Variants in TOX2 observed in about 807,000 individuals in gnomAD.
The protein encoded by TOX2 is TOX high mobility group box family member 2.
Under a neutral mutation model 47.4 loss-of-function variants are expected in TOX2, and 15 were observed. That is an observed-to-expected ratio of 0.32 (90% CI 0.21 to 0.49). TOX2 has a LOEUF of 0.49. Ranked by LOEUF, TOX2 falls within the 20% of genes least tolerant of loss-of-function variation. The pLI is 0.99. For synonymous variants in TOX2, 290 were observed against 296.6 expected (o/e 0.98, Z 0.23); for missense variants, 622 against 673.1 (o/e 0.92, Z 0.84).
intron 1 of TOX2, among the ~76,000 whole-genome samples, chr20:43,950,529 T>C (rs1427025319): frequency 6.6e-6 from 1 of 151,898 alleles, no homozygotes; most frequent in Admixed American, 6.6e-5. Flanking sequence ...GTCTCTTTGC[T>C]GACCGAGGTC....
At position 44,003,758 on chromosome 20, in the gene TOX2, C is replaced by T. The variant is rs111917241; in HGVS notation, c.166-2789C>T. Among the ~76,000 whole-genome samples, 848 of 151,160 alleles carry T rather than the reference C, an allele frequency of 5.6e-3. 6 individuals are homozygous for T. Among genetic ancestry groups the T allele is most frequent in the African/African-American group, 0.02 (815 of 40,662 alleles). ...CACGGGAGGGACAGTGTGTGGCAGG[C>T]GGAGTGCAGCAGAGGGAACTGTGTA... On this transcript the variant is annotated intron_variant, in intron 2 of 8. Coordinates refer to ENST00000341197, the MANE Select transcript of TOX2 (RefSeq NM_001098797.2).
intron 2 of TOX2, among the ~76,000 whole-genome samples, chr20:43,997,345 C>T (rs1398787487): frequency 6.6e-6 from 1 of 152,142 alleles, no homozygotes; most frequent in East Asian, 1.9e-4. Flanking sequence ...ATCACAATCA[C>T]AGTGGAAATT....
rs999297460 is a variant in TOX2, at chr20:43,942,837, CTT to C, written c.99+27849_99+27850del. ...CTCCACAGGAAGCTGAGTCATCTCT[CTT>C]TGTTTTGAACCGTAACCATCACGTT... On this transcript the variant is annotated intron_variant, in intron 1 of 8. Coordinates refer to ENST00000341197, the MANE Select transcript of TOX2 (RefSeq NM_001098797.2). 5.9e-5 allele frequency among the ~76,000 whole-genome samples: 9 copies of C among 152,310 alleles called. No individual in the cohort carries two copies. In the East Asian group the frequency reaches 9.6e-4, roughly 16 times the overall value.
intron 2 of TOX2, among the ~76,000 whole-genome samples, chr20:43,993,053 G>C (rs6130493): frequency 0.19 from 29,162 of 151,778 alleles, 3,338 homozygotes; most frequent in African/African-American, 0.3. Flanking sequence ...TCGAGTCCCC[G>C]CTGAATGAGG....
chr20:43,984,262 A>C (rs548748345), intron 2 of TOX2, among the ~76,000 whole-genome samples: 1 of 152,360 alleles, frequency 6.6e-6, no homozygotes, highest in South Asian at 2.1e-4. Context: ...TAAATACCAG[A>C]GGCCTTAAAG....
intron 4 of TOX2, among the ~76,000 whole-genome samples, chr20:44,053,974 C>T (rs188185903): frequency 8.5e-5 from 13 of 152,292 alleles, no homozygotes; most frequent in Admixed American, 6.5e-4. Flanking sequence ...ATAGTTTCAG[C>T]GCTCTATTGG....
intron 1 of TOX2, chr20:43,945,741 AG>A: frequency 1.1e-6 from 1 of 944,208 alleles, no homozygotes; most frequent in Non-Finnish European, 1.5e-6. Context: ...AAATTGGAAT[AG>A]GAGATGGATT....
At chr20:43,979,943 A>ATT (rs2070142595) in intron 2 of TOX2, among the ~76,000 whole-genome samples, 1 of 152,240 alleles carries the variant, frequency 6.6e-6, no homozygotes, top group Admixed American at 6.5e-5. Context: ...GTAAAATAGT[A>ATT]TAACTACTGT....
intron 3 of TOX2, among the ~76,000 whole-genome samples, chr20:44,014,128 CAAAAAAAAAAAAAAA>C (rs55721806): frequency 3.7e-5 from 2 of 53,570 alleles, no homozygotes; most frequent in Admixed American, 3.3e-4. Context: ...GAGACTATCT[CAAAAAAAAAAAAAAA>C]AAAAAAAAAA....
intron 2 of TOX2, among the ~76,000 whole-genome samples, chr20:43,992,252 C>T (rs1202828022): frequency 6.6e-6 from 1 of 152,134 alleles, no homozygotes; most frequent in Admixed American, 6.5e-5. Context: ...CTTATCTGAT[C>T]GACGGCTGGG....
chr20:43,978,215 A>AG, intron 2 of TOX2, among the ~76,000 whole-genome samples: 1 of 152,278 alleles, frequency 6.6e-6, no homozygotes, highest in South Asian at 2.1e-4. Context: ...AGAGGATAGA[A>AG]GGGGAGGTCT....
intron 1 of TOX2, among the ~76,000 whole-genome samples, chr20:43,932,769 TTGCTGCCCCCCCC>T (rs1270038923): frequency 7.1e-6 from 1 of 141,644 alleles, no homozygotes; most frequent in Non-Finnish European, 1.5e-5. Context: ...TGGAGAGGGG[TTGCTGCCCCCCCC>T]CGCCATTTCT....
At chr20:44,011,133 A>C (rs2070772432) in intron 3 of TOX2, among the ~76,000 whole-genome samples, 1 of 152,168 alleles carries the variant, frequency 6.6e-6, no homozygotes. Flanking sequence ...ATTTGGGGAT[A>C]ATCTAGGAAA....
intron 1 of TOX2, among the ~76,000 whole-genome samples, chr20:43,934,321 T>C (rs2069296121): frequency 6.6e-6 from 1 of 152,068 alleles, no homozygotes; most frequent in African/African-American, 2.4e-5. Context: ...TTATTTAGCA[T>C]CCATCACAGG....
intron 4 of TOX2, among the ~76,000 whole-genome samples, chr20:44,052,832 C>T (rs2071540260): frequency 6.6e-6 from 1 of 152,166 alleles, no homozygotes; most frequent in Non-Finnish European, 1.5e-5. Context: ...TGTATGTGCC[C>T]TCAACCCCCT....
At chr20:44,059,511 A>G (rs185819166) in intron 5 of TOX2, among the ~76,000 whole-genome samples, 11 of 152,314 alleles carry the variant, frequency 7.2e-5, no homozygotes, top group Non-Finnish European at 1.3e-4. Context: ...CAAGAAGTTC[A>G]AAGAACACCT....
At chr20:44,064,475 G>A (rs1352226519) in intron 5 of TOX2, among the ~76,000 whole-genome samples, 1 of 152,220 alleles carries the variant, frequency 6.6e-6, no homozygotes, top group Non-Finnish European at 1.5e-5. Context: ...CAGAATGGGG[G>A]CTTCAAAGGG....
chr20:44,034,089 C>G (rs984332961), intron 3 of TOX2, among the ~76,000 whole-genome samples: 2 of 152,202 alleles, frequency 1.3e-5, no homozygotes, highest in African/African-American at 4.8e-5. Context: ...ATCTGCCACC[C>G]TACCCATCAC....
intron 2 of TOX2, among the ~76,000 whole-genome samples, chr20:43,979,474 T>G (rs2070135290): frequency 6.6e-6 from 1 of 152,118 alleles, no homozygotes; most frequent in Admixed American, 6.5e-5. Flanking sequence ...GTGAAAAGGA[T>G]GTTGGATCCA....
Sources: gnomAD v4.1 joint callset for allele counts (sites outside exome capture counted in the v4.1 genomes callset) on GRCh38, gnomAD v4.1.1 for gene constraint, MANE v1.5 for transcripts, NCBI Gene and HGNC (gene_info 2026-07-23, HGNC 2026-07-21) for gene names.